Variants in SCAMP1 observed in about 807,000 individuals in gnomAD.
SCAMP1 encodes the protein secretory carrier membrane protein 1.
SCAMP1 carries 15 observed loss-of-function variants against 41.8 expected under a neutral mutation model. The ratio of observed to expected loss-of-function variants is 0.36; its 90% CI spans 0.24 to 0.55. SCAMP1 has a LOEUF of 0.55. Among genes scored for constraint, SCAMP1 ranks in the 20% least tolerant of loss-of-function variants. The pLI, the probability that SCAMP1 is intolerant of heterozygous loss-of-function variation, is 0.86. For missense variants in SCAMP1, 341 were observed against 412.6 expected, an observed-to-expected ratio of 0.83 and a Z score of 1.50; for synonymous variants, 135 against 136.8, an observed-to-expected ratio of 0.99 and a Z score of 0.09.
At chr5:78,417,155 T>C (rs1752230844) in intron 4 of SCAMP1, among the ~76,000 whole-genome samples, 1 of 152,212 alleles carries the variant, frequency 6.6e-6, no homozygotes, top group African/African-American at 2.4e-5. Flanking sequence ...TTCTATTAAG[T>C]TTGTGCCTGC....
intron 2 of SCAMP1, among the ~76,000 whole-genome samples, chr5:78,395,752 C>T (rs1296721224): frequency 6.6e-6 from 1 of 152,222 alleles, no homozygotes; most frequent in Non-Finnish European, 1.5e-5. Context: ...TGTATAGTTT[C>T]TTGCCCCCTG....
At chr5:78,452,591 T>G (rs1194268715) in intron 7 of SCAMP1, among the ~76,000 whole-genome samples, 2 of 149,222 alleles carry the variant, frequency 1.3e-5, no homozygotes, top group African/African-American at 5.0e-5. Flanking sequence ...TCTATCATTG[T>G]TGGACATTTG....
intron 2 of SCAMP1, among the ~76,000 whole-genome samples, chr5:78,402,003 A>G (rs12108733): frequency 0.31 from 47,201 of 152,004 alleles, 7,922 homozygotes; most frequent in East Asian, 0.54. Flanking sequence ...AGCATCCCAC[A>G]AATTTTGATA....
chr5:78,392,346 A>G (rs1751541289), intron 2 of SCAMP1, among the ~76,000 whole-genome samples: 1 of 152,224 alleles, frequency 6.6e-6, no homozygotes, highest in Non-Finnish European at 1.5e-5. Context: ...AAGTGGCAGA[A>G]CTGGCTTATT....
chr5:78,394,065 GA>G (rs1396714614), intron 2 of SCAMP1, among the ~76,000 whole-genome samples: 4 of 152,268 alleles, frequency 2.6e-5, no homozygotes, highest in African/African-American at 9.6e-5. Context: ...TTCGCTAGTT[GA>G]TGCCATATAT....
chr5:78,457,289 T>C (rs1444883505), intron 7 of SCAMP1, among the ~76,000 whole-genome samples: 8 of 152,200 alleles, frequency 5.3e-5, no homozygotes, highest in African/African-American at 7.2e-5. Flanking sequence ...AGTTTTTCTG[T>C]TCTGTTTTTT....
At position 78,460,820 on chromosome 5, in the gene SCAMP1, C is replaced by CTTTCTTTCTTTCTTTCTTTCTTT. The variant is rs1201206613; in HGVS notation, c.852+1458_852+1459insTTTCTTTCTTTCTTTCTTTCTTT. 1.2e-3 allele frequency among the ~76,000 whole-genome samples: 35 copies of CTTTCTTTCTTTCTTTCTTTCTTT among 28,236 alleles called. 4 individuals carry two copies. Among genetic ancestry groups the CTTTCTTTCTTTCTTTCTTTCTTT allele is most frequent in the Non-Finnish European group, 1.2e-3 (10 of 8,292 alleles). The allele number at this position is 28,236 out of a possible 152,430, so 18.5% of individuals were successfully genotyped here. A position where few individuals can be genotyped will look rare whatever the true frequency, so the allele number is the denominator to read the frequency against. On this transcript the variant is annotated intron_variant, in intron 8 of 8. Coordinates refer to ENST00000621999, the MANE Select transcript of SCAMP1 (RefSeq NM_004866.6). Reference sequence around the variant, plus strand: ...TCCTTCCTTCCTCCCTTCCTTCCTTCCTTTCTTGTCTTTCCTCTATCTGTC... The same window carrying CTTTCTTTCTTTCTTTCTTTCTTT: ...TCCTTCCTTCCTCCCTTCCTTCCTTCTTTCTTTCTTTCTTTCTTTCTTTCTTTCTTGTCTTTCCTCTATCTGTC...
intron 7 of SCAMP1, among the ~76,000 whole-genome samples, chr5:78,458,840 A>C (rs902774174): frequency 3.3e-5 from 5 of 152,218 alleles, no homozygotes; most frequent in African/African-American, 7.2e-5. Flanking sequence ...AGATCATGCC[A>C]CTATACTGCA....
rs1224964292 is a variant in SCAMP1 at position 78,421,911 on chromosome 5, A to G, written c.583A>G (p.Thr195Ala). The G allele has an allele frequency of 3.7e-6, 6 of 1,613,390 alleles. No individual in the cohort carries two copies. The highest frequency in any genetic ancestry group is 5.1e-6 in the Non-Finnish European group (6 of 1,179,724). ...GAGTATCCTGTGGTTCTTGCTTTTT[A>G]CTCCTTGTTCATTTGTCTGTTGGTA... Reference protein sequence around the residue: ...GLSILWFLLFTPCSFVCWYRP... With the variant: ...GLSILWFLLFAPCSFVCWYRP... Residue 195 changes from threonine (T) to alanine (A), a missense_variant, in exon 6 of 9, where the codon ACT becomes GCT. Transcript: ENST00000621999.
At chr5:78,439,995 T>C (rs182516417) in intron 6 of SCAMP1, among the ~76,000 whole-genome samples, 6 of 152,316 alleles carry the variant, frequency 3.9e-5, no homozygotes, top group Admixed American at 3.3e-4. Context: ...CTTGATCGAA[T>C]TGGCTACTGA....
intron 1 of SCAMP1, among the ~76,000 whole-genome samples, chr5:78,384,232 C>T (rs1194986563): frequency 1.3e-5 from 1 of 78,532 alleles, no homozygotes; most frequent in East Asian, 3.5e-4. Flanking sequence ...TGATTTGATT[C>T]TTAGATTGGT....
chr5:78,397,600 ATAT>A (rs1751684003), intron 2 of SCAMP1, among the ~76,000 whole-genome samples: 1 of 152,210 alleles, frequency 6.6e-6, no homozygotes, highest in African/African-American at 2.4e-5. Context: ...TCCAGAATAT[ATAT>A]TAAATTATTA....
chr5:78,433,520 TTG>T (rs1192002770), intron 6 of SCAMP1, among the ~76,000 whole-genome samples: 2 of 152,038 alleles, frequency 1.3e-5, no homozygotes, highest in Non-Finnish European at 2.9e-5. Context: ...CAGTCAGAAA[TTG>T]ATCTGGGTTT....
intron 1 of SCAMP1, among the ~76,000 whole-genome samples, chr5:78,361,649 G>C (rs1750656314): frequency 6.6e-6 from 1 of 152,242 alleles, no homozygotes; most frequent in African/African-American, 2.4e-5. Context: ...CTCTTTGAAA[G>C]TATTCTGAAT....
At chr5:78,453,260 CATGCCT>C (rs1159146846) in intron 7 of SCAMP1, among the ~76,000 whole-genome samples, 1 of 151,230 alleles carries the variant, frequency 6.6e-6, no homozygotes, top group Non-Finnish European at 1.5e-5. Context: ...AGTCCTTGCC[CATGCCT>C]ATGTCCTGAA....
intron 1 of SCAMP1, among the ~76,000 whole-genome samples, chr5:78,386,524 C>CT (rs139335085): frequency 0.02 from 2,902 of 145,904 alleles, 94 homozygotes; most frequent in African/African-American, 0.068. Flanking sequence ...TTTCTTTTTT[C>CT]TTTTTTTTTT....
rs1433915108 is a variant in SCAMP1 at position 78,480,318 on chromosome 5, T to C, written c.*4650T>C. Among the ~76,000 whole-genome samples, 2 of 152,238 alleles carry C rather than the reference T, an allele frequency of 1.3e-5. No homozygotes were observed. The highest frequency in any genetic ancestry group is 2.9e-5 in the Non-Finnish European group (2 of 68,034). ...TATAAGATTACTGTGAATATTATCTTCTATACATTAAAACAGTTCTAGTTT... is the reference window on the plus strand; with the variant it reads ...TATAAGATTACTGTGAATATTATCTCCTATACATTAAAACAGTTCTAGTTT... On this transcript the variant is annotated 3_prime_UTR_variant, in exon 9 of 9. Transcript: ENST00000621999.
intron 1 of SCAMP1, 178 bp downstream of exon 1, chr5:78,360,906 T>C: frequency 3.2e-6 from 2 of 618,182 alleles, no homozygotes; most frequent in South Asian, 3.9e-5. Context: ...CTCCTTTGGG[T>C]TTTGGGGCTT....
Position 78,398,090 on chromosome 5 carries a change from A to T in SCAMP1, c.135+9176A>T, listed in dbSNP as rs552999892. 3.6e-3 allele frequency among the ~76,000 whole-genome samples: 548 copies of T among 152,274 alleles called. 6 individuals carry two copies. Among genetic ancestry groups the T allele is most frequent in the African/African-American group, 0.013 (530 of 41,556 alleles). The stretch of plus-strand genomic sequence containing the variant: ...AGTTACCATATGACCCTGTAATTCC[A>T]CTCTTGGGTACATACCCAAAAGAAG... On this transcript the variant is annotated intron_variant, in intron 2 of 8. Coordinates refer to ENST00000621999, the MANE Select transcript of SCAMP1 (RefSeq NM_004866.6).
Sources: allele counts gnomAD v4.1 joint callset (sites outside exome capture counted in the v4.1 genomes callset), GRCh38; gene constraint gnomAD v4.1.1; transcripts MANE v1.5; gene names NCBI Gene and HGNC (gene_info 2026-07-23, HGNC 2026-07-21).